Variants in LRRD1 observed in about 807,000 individuals in gnomAD.
The protein encoded by LRRD1 is leucine-rich repeat and death domain-containing protein 1.
In LRRD1, 49 loss-of-function variants were observed where a neutral mutation model predicts 69.5. The ratio of observed to expected loss-of-function variants is 0.70; its 90% CI spans 0.56 to 0.89. The LOEUF is 0.89. LRRD1 is among the 40% of genes least tolerant of loss of function. The pLI, the probability that LRRD1 is intolerant of heterozygous loss-of-function variation, is 0.00. For missense variants in LRRD1, 853 were observed against 956.0 expected (o/e 0.89, Z 1.42); for synonymous variants, 303 against 338.9 (o/e 0.89, Z 1.16).
chr7:92,157,427 A>G (rs1264967429), intron 3 of LRRD1, among the ~76,000 whole-genome samples: 4 of 152,114 alleles, frequency 2.6e-5, no homozygotes. Flanking sequence ...GTAAGTTTCC[A>G]AGTAATGTCT....
intron 1 of LRRD1, among the ~76,000 whole-genome samples, chr7:92,167,909 TAAG>T (rs1788955456): frequency 2.8e-5 from 2 of 72,158 alleles, no homozygotes; most frequent in South Asian, 3.9e-4. Context: ...AAAAAAAAAA[TAAG>T]TTATTCTGCT....
chr7:92,164,269 C>T lies in LRRD1; in HGVS notation c.934G>A (p.Gly312Arg). ...TTTGGCAAACTGCTTATTAGGTTTC[C>T]AGTAAGGTCTAGTGAAATTAACTTT... ...LPKLISLDLTGNLISSLPKEI... is the reference protein window; with the variant it reads ...LPKLISLDLTRNLISSLPKEI... Residue 312 changes from glycine (G) to arginine (R), a missense_variant, in exon 2 of 6, where the codon GGA becomes AGA. Gly to Arg is a moderately radical substitution (Grantham distance 125). Coordinates refer to ENST00000458448, the MANE Select transcript of LRRD1 (RefSeq NM_001161528.2). 1 of 1,550,784 alleles carries T rather than the reference C, an allele frequency of 6.4e-7. No individual in the cohort carries two copies. The highest frequency in any genetic ancestry group is 2.5e-5 in the East Asian group (1 of 40,802).
At chr7:92,143,162 TGAGCTAGACACAGGG>T (rs1244420032), downstream of LRRD1, among the ~76,000 whole-genome samples, 3 of 152,074 alleles carry the variant, frequency 2.0e-5, no homozygotes, top group East Asian at 5.8e-4. Flanking sequence ...TCACCAACCC[TGAGCTAGACACAGGG>T]TGCTGATTGG....
At chr7:92,159,297 G>T (rs1788747371) in intron 2 of LRRD1, 94 bp from the exon 3 acceptor site, 3 of 896,518 alleles carry the variant, frequency 3.3e-6, no homozygotes, top group South Asian at 4.5e-5. Flanking sequence ...AGTTTTGTCT[G>T]TTTTTGTTTT....
At chr7:92,167,270 G>A (rs1260841902) in intron 1 of LRRD1, among the ~76,000 whole-genome samples, 3 of 151,124 alleles carry the variant, frequency 2.0e-5, no homozygotes, top group East Asian at 2.0e-4. Context: ...TAATTTTTGC[G>A]TTTTTAGTAG....
chr7:92,150,774 T>C (rs1177882590), intron 3 of LRRD1, 79 bp from the exon 4 acceptor site: 1 of 1,081,726 alleles, frequency 9.2e-7, no homozygotes, highest in Non-Finnish European at 1.3e-6. Flanking sequence ...TGTTATGTCT[T>C]GCTGGCAAAG....
At chr7:92,145,439 C>CTTTTT (rs745661467) in intron 5 of LRRD1, among the ~76,000 whole-genome samples, 4 of 129,436 alleles carry the variant, frequency 3.1e-5, no homozygotes, top group Non-Finnish European at 6.6e-5. Flanking sequence ...ATACTATATG[C>CTTTTT]TTTTTTTTTT....
Position 92,163,818 on chromosome 7 carries a change from T to C in LRRD1, c.1385A>G (p.Asn462Ser). The C allele has an allele frequency of 6.7e-7, 1 of 1,499,258 alleles. No homozygotes were observed. Among genetic ancestry groups the C allele is most frequent in the Non-Finnish European group, 8.9e-7 (1 of 1,129,014 alleles). 92.9% of individuals were successfully genotyped at this position (1,499,258 alleles called of 1,614,324 possible). Residue 462 changes from asparagine to serine, a missense_variant, in exon 2 of 6, where the codon AAC (asparagine) becomes AGC (serine). Around this residue, in one of 3 missense-constraint regions of LRRD1, gnomAD observed 739 missense variants for 808.0 expected, o/e 0.91. Transcript: ENST00000458448. The part of the protein sequence containing the change: ...IITDVPIEIK[N>S]CQKIIKIELS... ...TTCAATTTTAATTATTTTTTGGCAG[T>C]TTTTTATTTCAATGGGAACATCTGT... is the stretch of plus-strand genomic sequence containing the variant.
chr7:92,174,484 TATATATATATATATATATATATA>T (rs1563195667), intron 1 of LRRD1, among the ~76,000 whole-genome samples: 1 of 15,374 alleles, frequency 6.5e-5, no homozygotes, highest in Non-Finnish European at 1.6e-4. Flanking sequence ...TATATATATA[TATATATATATATATATATATATA>T]TATTTTTTTT....
chr7:92,147,473 GTGTTT>G (rs66668611), intron 4 of LRRD1, among the ~76,000 whole-genome samples: 95,133 of 149,760 alleles, frequency 0.64, 30,770 homozygotes, highest in Non-Finnish European at 0.7. Flanking sequence ...GTGCGTGGGT[GTGTTT>G]TGTTTTGTTT....
intron 1 of LRRD1, chr7:92,178,743 A>G (rs1225786682): frequency 2.6e-5 from 4 of 152,268 alleles, no homozygotes; most frequent in Non-Finnish European, 5.9e-5. Context: ...TATGCAAATT[A>G]TGTTTTAACA....
downstream of LRRD1, among the ~76,000 whole-genome samples, chr7:92,143,852 A>T (rs1820241473): frequency 1.3e-5 from 2 of 152,210 alleles, no homozygotes; most frequent in Admixed American, 1.3e-4. Context: ...AGAGCGAGCG[A>T]GGGCTGTGAG....
chr7:92,152,647 T>C (rs539216386), intron 3 of LRRD1, among the ~76,000 whole-genome samples: 125 of 152,134 alleles, frequency 8.2e-4, no homozygotes, highest in Non-Finnish European at 1.4e-3. Context: ...TAGCTTTTGG[T>C]ATTATCAGAT....
At chr7:92,143,966 G>A (rs932746714), downstream of LRRD1, among the ~76,000 whole-genome samples, 1 of 152,220 alleles carries the variant, frequency 6.6e-6, no homozygotes, top group Non-Finnish European at 1.5e-5. Flanking sequence ...TGGAGTAGGG[G>A]AAGAGACTTA....
Position 92,168,748 on chromosome 7 carries a change from C to T in LRRD1, c.-74-3472G>A, listed in dbSNP as rs574928504. 5.5e-4 allele frequency among the ~76,000 whole-genome samples: 84 copies of T among 151,422 alleles called. 1 individual carries two copies. Among genetic ancestry groups the T allele is most frequent in the Non-Finnish European group, 1.0e-3 (70 of 67,878 alleles). ...CCAGTAGAAACCCAAACAAGCCAGA[C>T]GAAGACTGGAAGAAATAACTAATCT... On this transcript the variant is annotated intron_variant, in intron 1 of 5. Coordinates refer to ENST00000458448, the MANE Select transcript of LRRD1 (RefSeq NM_001161528.2).
chr7:92,143,233 T>C (rs1190301945), downstream of LRRD1, among the ~76,000 whole-genome samples: 4 of 152,100 alleles, frequency 2.6e-5, no homozygotes, highest in African/African-American at 9.7e-5. Flanking sequence ...GATTGGTGTA[T>C]TTACAATCCC....
intron 3 of LRRD1, among the ~76,000 whole-genome samples, chr7:92,151,144 A>G (rs1820456753): frequency 6.6e-6 from 1 of 152,228 alleles, no homozygotes; most frequent in African/African-American, 2.4e-5. Flanking sequence ...TACTAAATAC[A>G]CTTCAGATTT....
chr7:92,153,181 C>T (rs927914974), intron 3 of LRRD1, among the ~76,000 whole-genome samples: 5 of 152,082 alleles, frequency 3.3e-5, no homozygotes, highest in Non-Finnish European at 7.4e-5. Context: ...TCTTGTGCCT[C>T]AGCCTCCCGA....
chr7:92,142,856 A>C (rs1332197073), downstream of LRRD1: 2 of 394,164 alleles, frequency 5.1e-6, no homozygotes, highest in Non-Finnish European at 1.0e-5. Flanking sequence ...ACAGCTCATA[A>C]AGGCAGTGTG....
Sources: allele counts gnomAD v4.1 joint callset (sites outside exome capture counted in the v4.1 genomes callset), GRCh38; gene constraint gnomAD v4.1.1; regional missense constraint gnomAD v4.1.1; transcripts MANE v1.5; gene names NCBI Gene and HGNC (gene_info 2026-07-23, HGNC 2026-07-21).